COMMD10: variants seen among roughly 807,000 people sequenced by gnomAD.
COMMD10 encodes the protein COMM domain-containing protein 10.
Under a neutral mutation model 28.9 loss-of-function variants are expected in COMMD10, and 33 were observed. The ratio of observed to expected loss-of-function variants is 1.14; its 90% confidence interval spans 0.87 to 1.53. The LOEUF is 1.53. Ranked by LOEUF, COMMD10 falls within the 40% of genes most tolerant of loss-of-function variation. The pLI, the probability that COMMD10 is intolerant of heterozygous loss-of-function variation, is 0.00. For synonymous variants in COMMD10, 110 were observed against 81.7 expected (o/e 1.35, Z -1.87); for missense variants, 310 against 233.4 (o/e 1.33, Z -2.14).
chr5:116,121,136 C>T (rs1233978840), intron 4 of COMMD10, among the ~76,000 whole-genome samples: 1 of 151,960 alleles, frequency 6.6e-6, no homozygotes, highest in Non-Finnish European at 1.5e-5. Flanking sequence ...TCCCCCTGCC[C>T]CCCACCACAT....
chr5:116,206,129 T>A (rs1458990418), intron 5 of COMMD10, among the ~76,000 whole-genome samples: 1 of 152,204 alleles, frequency 6.6e-6, no homozygotes, highest in Non-Finnish European at 1.5e-5. Flanking sequence ...CCCAAGGAGC[T>A]TCATATTTAG....
chr5:116,227,973 G>A (rs562387767), intron 5 of COMMD10, among the ~76,000 whole-genome samples: 2 of 152,106 alleles, frequency 1.3e-5, no homozygotes, highest in South Asian at 4.1e-4. Flanking sequence ...AGGCAAAAGA[G>A]AGAATAAAAT....
intron 5 of COMMD10, among the ~76,000 whole-genome samples, chr5:116,183,143 T>G (rs1470572723): frequency 1.3e-5 from 2 of 152,160 alleles, no homozygotes; most frequent in Non-Finnish European, 1.5e-5. Flanking sequence ...AAAGAGATTG[T>G]TGGTGAGAGA....
At chr5:116,246,912 C>CA (rs1292278788) in intron 5 of COMMD10, among the ~76,000 whole-genome samples, 1 of 151,960 alleles carries the variant, frequency 6.6e-6, no homozygotes, top group Non-Finnish European at 1.5e-5. Context: ...AGGACAATGG[C>CA]ACGGGCAAAG....
At chr5:116,232,543 A>T (rs1036201496) in intron 5 of COMMD10, among the ~76,000 whole-genome samples, 3 of 152,036 alleles carry the variant, frequency 2.0e-5, no homozygotes, top group Admixed American at 2.0e-4. Flanking sequence ...TCTACTAAAA[A>T]TACAAAAATT....
chr5:116,086,089 C>T (rs1015919867), intron 1 of COMMD10, among the ~76,000 whole-genome samples: 1 of 152,084 alleles, frequency 6.6e-6, no homozygotes, highest in Non-Finnish European at 1.5e-5. Flanking sequence ...ATTTAAATAC[C>T]CTCTAGAGGA....
chr5:116,285,393 C>G (rs1751191318), intron 5 of COMMD10, among the ~76,000 whole-genome samples: 1 of 151,804 alleles, frequency 6.6e-6, no homozygotes, highest in Non-Finnish European at 1.5e-5. Context: ...TCCTTTTTAT[C>G]CTGCACATCT....
At chr5:116,177,990 C>T (rs976677938) in intron 5 of COMMD10, among the ~76,000 whole-genome samples, 3 of 152,068 alleles carry the variant, frequency 2.0e-5, no homozygotes, top group African/African-American at 7.2e-5. Flanking sequence ...TGAGCATGTA[C>T]CTTAACTTAA....
rs188817662 is a variant in COMMD10, at chr5:116,129,898, C to A, written c.400-4170C>A. 2.1e-4 allele frequency among the ~76,000 whole-genome samples: 31 copies of A among 148,190 alleles called. 1 individual carries two copies. In the East Asian group the frequency reaches 6.1e-3, roughly 29 times the overall value. ...GTATTAGTTTGTAATAATAGTTATC[C>A]TTTCTATATTTTCTATTCATTTAAG... On this transcript the variant is annotated intron_variant, in intron 4 of 6. Coordinates refer to ENST00000274458, the MANE Select transcript of COMMD10 (RefSeq NM_016144.4).
chr5:116,149,930 C>T (rs2112550151), intron 5 of COMMD10, among the ~76,000 whole-genome samples: 2 of 151,932 alleles, frequency 1.3e-5, no homozygotes, highest in East Asian at 3.9e-4. Context: ...AAGTCGTTGC[C>T]CATGCCTATG....
intron 5 of COMMD10, among the ~76,000 whole-genome samples, chr5:116,255,090 A>G (rs1292681098): frequency 6.6e-6 from 1 of 151,606 alleles, no homozygotes; most frequent in Non-Finnish European, 1.5e-5. Flanking sequence ...GTTGGTTTAA[A>G]GTCTGTTTTA....
chr5:116,274,670 A>G (rs893344007), intron 5 of COMMD10, among the ~76,000 whole-genome samples: 10 of 151,762 alleles, frequency 6.6e-5, no homozygotes, highest in Admixed American at 2.0e-4. Flanking sequence ...TCCTTGTCTC[A>G]TTTGGATTCT....
At position 116,199,087 on chromosome 5, in the gene COMMD10, G is replaced by C. The variant is rs561557034; in HGVS notation, c.510+64909G>C. On this transcript the variant is annotated intron_variant, in intron 5 of 6. Transcript: ENST00000274458. ...TGCATTTCCACTAACAATGAAATGA[G>C]GGTTCTTGTTGCTCCTTATCCTCAC... Among the ~76,000 whole-genome samples, 13 of 152,266 alleles carry C rather than the reference G, an allele frequency of 8.5e-5. No individual in the cohort carries two copies. In the South Asian group the frequency reaches 1.9e-3, roughly 22 times the overall value.
At chr5:116,206,694 T>C (rs72804885) in intron 5 of COMMD10, among the ~76,000 whole-genome samples, 8,052 of 152,110 alleles carry the variant, frequency 0.053, 293 homozygotes, top group East Asian at 0.14. Context: ...GAGACAGCTG[T>C]TCACGTATTT....
At chr5:116,207,175 G>A (rs1382650057) in intron 5 of COMMD10, among the ~76,000 whole-genome samples, 1 of 152,010 alleles carries the variant, frequency 6.6e-6, no homozygotes, top group African/African-American at 2.4e-5. Context: ...ATTCAATCTA[G>A]AATATTTGCT....
chr5:116,107,265 A>G lies in COMMD10; in HGVS notation c.399+14565A>G, dbSNP rs200518999. Among the ~76,000 whole-genome samples, 33 of 152,220 alleles carry G rather than the reference A, an allele frequency of 2.2e-4. 1 individual carries two copies. The East Asian group carries it at 6.4e-3, about 29-fold the overall frequency. ...GAAGTTCTCCTGGATAATACCCTGAAGAGTGTTTTCCAACTTGGTTCCATT... is the reference window on the plus strand; with the variant it reads ...GAAGTTCTCCTGGATAATACCCTGAGGAGTGTTTTCCAACTTGGTTCCATT... On this transcript the variant is annotated intron_variant, in intron 4 of 6. Transcript: ENST00000274458.
intron 5 of COMMD10, among the ~76,000 whole-genome samples, chr5:116,195,447 G>A (rs188738224): frequency 1.9e-3 from 283 of 152,224 alleles, no homozygotes; most frequent in African/African-American, 6.4e-3. Context: ...ACTGGTAAAA[G>A]AATTCAGCAA....
chr5:116,201,847 A>G (rs1303993589), intron 5 of COMMD10, among the ~76,000 whole-genome samples: 1 of 152,158 alleles, frequency 6.6e-6, no homozygotes, highest in African/African-American at 2.4e-5. Flanking sequence ...AATAGAATCT[A>G]AATATTTGGA....
intron 4 of COMMD10, among the ~76,000 whole-genome samples, chr5:116,128,342 A>G (rs1751732112): frequency 6.6e-6 from 1 of 152,054 alleles, no homozygotes; most frequent in Admixed American, 6.6e-5. Flanking sequence ...GAAAACCATT[A>G]TAAATATTAG....
Sources: allele counts gnomAD v4.1 joint callset (sites outside exome capture counted in the v4.1 genomes callset), GRCh38; gene constraint gnomAD v4.1.1; transcripts MANE v1.5; gene names NCBI Gene and HGNC (gene_info 2026-07-23, HGNC 2026-07-21).